The following PAG1 variants were observed in gnomAD, a reference collection of about 807,000 sequenced individuals.
PAG1 encodes phosphoprotein associated with glycosphingolipid-enriched microdomains 1.
Under a neutral mutation model 31.7 loss-of-function variants are expected in PAG1, and 23 were observed. The observed-to-expected ratio is 0.73, with a 90% CI of 0.52 to 1.03. The LOEUF (loss-of-function observed/expected upper bound fraction) is 1.03, where lower values mean the gene tolerates loss of function less well. Among genes scored for constraint, PAG1 ranks in the 50% least tolerant of loss-of-function variants. PAG1 has a pLI of 0.00. For missense variants in PAG1, 473 were observed against 540.7 expected (o/e 0.87, Z 1.24); for synonymous variants, 214 against 210.3 (o/e 1.02, Z -0.15).
intron 2 of PAG1, among the ~76,000 whole-genome samples, chr8:81,063,313 T>C (rs188879609): frequency 6.6e-6 from 1 of 152,022 alleles, no homozygotes; most frequent in Non-Finnish European, 1.5e-5. Context: ...AAAAGAAGTA[T>C]CTTTTTTCAT....
chr8:81,022,703 TA>T (rs1243026213), intron 3 of PAG1, among the ~76,000 whole-genome samples: 3 of 152,132 alleles, frequency 2.0e-5, no homozygotes, highest in African/African-American at 7.2e-5. Flanking sequence ...AAAGAGAACA[TA>T]AAAAACAGTA....
rs748151176 is a variant in PAG1 at position 81,091,148 on chromosome 8, AT to A, written c.-234+20442del. Among the ~76,000 whole-genome samples the A allele has an allele frequency of 5.9e-5, 9 of 152,304 alleles. 2 individuals are homozygous for A. The highest frequency in any genetic ancestry group is 3.3e-4 in the Admixed American group (5 of 15,300). ...CTTGAAGGAAGAGGCATCAAGAGTG[AT>A]TTCCTGTTTTATTGGCCTCCTCTAT... On this transcript the variant is annotated intron_variant, in intron 1 of 8. Transcript: ENST00000220597.
intron 4 of PAG1, 60 bp from the exon 5 acceptor site, chr8:80,991,590 C>T (rs371924912): frequency 9.4e-7 from 1 of 1,068,726 alleles, no homozygotes; most frequent in African/African-American, 1.5e-5. Context: ...CAAGCGCACA[C>T]TACCCTTTCC....
chr8:81,066,436 T>G (rs1809008153), intron 2 of PAG1, among the ~76,000 whole-genome samples: 2 of 152,148 alleles, frequency 1.3e-5, no homozygotes, highest in African/African-American at 4.8e-5. Flanking sequence ...CTGCTGTAAC[T>G]CCTGTCAGAC....
intron 2 of PAG1, among the ~76,000 whole-genome samples, chr8:81,039,857 T>A (rs151169180): frequency 2.9e-3 from 448 of 152,324 alleles, no homozygotes; most frequent in African/African-American, 0.01. Flanking sequence ...ATCTGCATTT[T>A]CAATTGTATT....
intron 3 of PAG1, among the ~76,000 whole-genome samples, chr8:81,017,505 T>C (rs1808091570): frequency 6.6e-6 from 1 of 152,180 alleles, no homozygotes; most frequent in African/African-American, 2.4e-5. Context: ...TGTTACCTCC[T>C]AAATCCTTTC....
intron 3 of PAG1, among the ~76,000 whole-genome samples, chr8:80,993,599 CTTTT>C (rs56960149): frequency 2.9e-5 from 4 of 135,934 alleles, no homozygotes; most frequent in Non-Finnish European, 3.2e-5. Flanking sequence ...TCTTCTTGTT[CTTTT>C]TTTTTTTTTT....
intron 1 of PAG1, among the ~76,000 whole-genome samples, chr8:81,102,209 A>G (rs1055803071): frequency 6.6e-6 from 1 of 152,188 alleles, no homozygotes; most frequent in Non-Finnish European, 1.5e-5. Context: ...TTAAATTTTC[A>G]CATGCCTATA....
intron 3 of PAG1, among the ~76,000 whole-genome samples, chr8:81,023,489 C>A (rs1808222183): frequency 6.6e-6 from 1 of 151,672 alleles, no homozygotes; most frequent in South Asian, 2.1e-4. Flanking sequence ...AATAATGAGA[C>A]AAGATAAAGC....
At chr8:81,051,784 G>A (rs1349120497) in intron 2 of PAG1, among the ~76,000 whole-genome samples, 2 of 152,050 alleles carry the variant, frequency 1.3e-5, no homozygotes, top group Non-Finnish European at 2.9e-5. Flanking sequence ...TTTCAGTTAC[G>A]TAAAAAATGC....
chr8:81,030,288 C>A (rs1808357836), intron 2 of PAG1, among the ~76,000 whole-genome samples, 199 bp from the exon 3 acceptor site: 1 of 152,082 alleles, frequency 6.6e-6, no homozygotes, highest in African/African-American at 2.4e-5. Flanking sequence ...AAAAAAATTT[C>A]AATAAAGAAA....
At chr8:81,031,184 CAGTT>C (rs1444968373) in intron 2 of PAG1, among the ~76,000 whole-genome samples, 2 of 152,204 alleles carry the variant, frequency 1.3e-5, no homozygotes, top group Non-Finnish European at 2.9e-5. Context: ...GTTTCCCTGA[CAGTT>C]AGAAAGTGAG....
chr8:81,082,252 CAAAAAAAAA>C (rs748117144), intron 1 of PAG1, among the ~76,000 whole-genome samples: 1 of 48,096 alleles, frequency 2.1e-5, no homozygotes, highest in Non-Finnish European at 4.7e-5. Flanking sequence ...GACTCTGTCT[CAAAAAAAAA>C]AAAAAAAAAA....
intron 1 of PAG1, among the ~76,000 whole-genome samples, chr8:81,092,295 G>A (rs1484230372): frequency 6.6e-6 from 1 of 151,998 alleles, no homozygotes; most frequent in Non-Finnish European, 1.5e-5. Flanking sequence ...GAGGCGGGAG[G>A]ATTGCTTGAG....
chr8:81,033,216 T>TA (rs146378123), intron 2 of PAG1, among the ~76,000 whole-genome samples: 1,961 of 151,396 alleles, frequency 0.013, 44 homozygotes, highest in African/African-American at 0.045. Flanking sequence ...AGATCAGTCT[T>TA]AAAAAAAAAT....
At chr8:81,024,380 C>A (rs1043902261) in intron 3 of PAG1, among the ~76,000 whole-genome samples, 7 of 152,098 alleles carry the variant, frequency 4.6e-5, no homozygotes, top group Non-Finnish European at 7.4e-5. Context: ...CGGCTGACAC[C>A]CCCGGGCTCC....
chr8:81,019,947 C>A (rs1373733484), intron 3 of PAG1, among the ~76,000 whole-genome samples: 2 of 152,164 alleles, frequency 1.3e-5, no homozygotes, highest in Non-Finnish European at 2.9e-5. Flanking sequence ...GGTGGAGCCG[C>A]CCAAGGCCAT....
At chr8:81,086,505 G>GCA (rs571377676) in intron 1 of PAG1, among the ~76,000 whole-genome samples, 1,530 of 151,952 alleles carry the variant, frequency 0.01, 30 homozygotes, top group African/African-American at 0.035. Flanking sequence ...GTGTGTGTGT[G>GCA]CGCGCGCGTG....
At chr8:81,024,367 G>T (rs1808239150) in intron 3 of PAG1, among the ~76,000 whole-genome samples, 1 of 152,164 alleles carries the variant, frequency 6.6e-6, no homozygotes, top group African/African-American at 2.4e-5. Context: ...GCCATCTGGA[G>T]AGCGGCTGAC....
Sources: allele counts gnomAD v4.1 joint callset (sites outside exome capture counted in the v4.1 genomes callset), GRCh38; gene constraint gnomAD v4.1.1; transcripts MANE v1.5; gene names NCBI Gene and HGNC (gene_info 2026-07-23, HGNC 2026-07-21).